The following KTI12 variants were observed in gnomAD, a reference collection of about 807,000 sequenced individuals.
KTI12 encodes KTI12 chromatin associated homolog.
KTI12 carries 8 observed loss-of-function variants against 8.8 expected under a neutral mutation model. That is an observed-to-expected ratio of 0.91 (90% CI 0.53 to 1.64). KTI12 has a LOEUF of 1.64. KTI12 is among the 40% of genes most tolerant of loss of function. The probability of loss-of-function intolerance (pLI) is 0.00; values close to 1 mark genes in which losing one functional copy is unlikely to be tolerated. For synonymous variants in KTI12, 216 were observed against 220.1 expected (o/e 0.98, Z 0.17); for missense variants, 490 against 492.1 (o/e 1.00, Z 0.04).
chr1:52,033,798 C>T lies in KTI12; in HGVS notation c.-37G>A, dbSNP rs1245666239. 1 of 1,529,662 alleles carries T rather than the reference C, an allele frequency of 6.5e-7. No individual in the cohort carries two copies. The highest frequency in any genetic ancestry group is 8.8e-7 in the Non-Finnish European group (1 of 1,136,926). The allele number at this position is 1,529,662 out of a possible 1,614,324, so 94.8% of individuals were successfully genotyped here. ...GCGACCATTGGCAACCGCGCTGCGC[C>T]AACTTCCGGGTTGTACGCGTCTCCG... On this transcript the variant is annotated 5_prime_UTR_variant, in exon 1 of 1. Coordinates refer to ENST00000371614, the MANE Select transcript of KTI12 (RefSeq NM_138417.3).
chr1:52,032,784 A>G lies in KTI12; in HGVS notation c.978T>C (p.Ile326=), dbSNP rs1366942007. The change falls in exon 1 of 1, where the codon ATT becomes ATC. Residue 326 remains isoleucine (I), a synonymous_variant. Transcript: ENST00000371614. ...TGTTGGGATGCATTTTAGTGTACGA[A>G]ATAAACTGGCGACGAAGGCGACTCA... is the stretch of plus-strand genomic sequence containing the variant. The part of the protein sequence containing the change: ...AELSRLRRQF[I]SYTKMHPNNE... The G allele has an allele frequency of 4.3e-6, 7 of 1,614,232 alleles. No individual in the cohort carries two copies. The East Asian group carries it at 1.6e-4, about 36-fold the overall frequency.
chr1:52,033,809 T>A lies in KTI12; in HGVS notation c.-48A>T. On this transcript the variant is annotated 5_prime_UTR_variant, in exon 1 of 1. Transcript: ENST00000371614. ...CAACCGCGCTGCGCCAACTTCCGGG[T>A]TGTACGCGTCTCCGACGTAAGCCGG... 1 of 1,507,186 alleles carries A rather than the reference T, an allele frequency of 6.6e-7. No homozygotes were observed. The highest frequency in any genetic ancestry group is 1.4e-5 in the African/African-American group (1 of 72,422). 93.4% of individuals were successfully genotyped at this position (1,507,186 alleles called of 1,614,324 possible). A position where few individuals can be genotyped will look rare whatever the true frequency, so the allele number is the denominator to read the frequency against.
At position 52,033,070 on chromosome 1, in the gene KTI12, G is replaced by A. The variant is rs1193342863; in HGVS notation, c.692C>T (p.Thr231Ile). 6.2e-7 allele frequency: 1 copy of A among 1,601,930 alleles called. No individual in the cohort carries two copies. The highest frequency in any genetic ancestry group is 1.1e-5 in the South Asian group (1 of 89,564). Residue 231 changes from threonine (T) to isoleucine (I), a missense_variant, in exon 1 of 1, where the codon ACT becomes ATT. Physicochemically the swap from Thr to Ile is moderately conservative, Grantham distance 89 (BLOSUM62 -1). Transcript: ENST00000371614. ...SRNRWDRPLF[T>I]LVGLEEPLPL... ...CAACGGCTCCTCTAGGCCCACCAAA[G>A]TGAATAAAGGCCGGTCCCAGCGATT...
In KTI12 at chr1:52,033,059, G is replaced by A; in HGVS notation, c.703C>T (p.Leu235=). Residue 235 remains leucine, a synonymous_variant, in exon 1 of 1, where the codon CTA becomes TTA. Transcript: ENST00000371614. The part of the protein sequence containing the change: ...WDRPLFTLVG[L]EEPLPLAGIR... ...CCCGCCAGGGGCAACGGCTCCTCTAGGCCCACCAAAGTGAATAAAGGCCGG... is the reference window on the plus strand; with the variant it reads ...CCCGCCAGGGGCAACGGCTCCTCTAAGCCCACCAAAGTGAATAAAGGCCGG... 2 of 1,596,418 alleles carry A rather than the reference G, an allele frequency of 1.3e-6. No homozygotes were observed. Among genetic ancestry groups the A allele is most frequent in the Non-Finnish European group, 1.7e-6 (2 of 1,173,062 alleles).
rs368861129 is a variant in KTI12, at chr1:52,033,137, G to C, written c.625C>G (p.Leu209Val). ...GSGAFYSPEL[L>V]EALTLRFEAP... Reference sequence around the variant, plus strand: ...TCAAAGCGCAGCGTTAGGGCCTCCAGGAGTTCGGGAGAGTAAAAGGCACCG... The same window carrying C: ...TCAAAGCGCAGCGTTAGGGCCTCCACGAGTTCGGGAGAGTAAAAGGCACCG... Residue 209 changes from leucine (L) to valine (V), a missense_variant, in exon 1 of 1, where the codon CTG becomes GTG. Coordinates refer to ENST00000371614, the MANE Select transcript of KTI12 (RefSeq NM_138417.3). 9.3e-6 allele frequency: 15 copies of C among 1,614,070 alleles called. No homozygotes were observed. In the African/African-American group the frequency reaches 1.9e-4, roughly 20 times the overall value.
Position 52,033,794 on chromosome 1 carries a change from G to A in KTI12, c.-33C>T, listed in dbSNP as rs1685830678. ...GGGAGCGACCATTGGCAACCGCGCTGCGCCAACTTCCGGGTTGTACGCGTC... is the reference window on the plus strand; with the variant it reads ...GGGAGCGACCATTGGCAACCGCGCTACGCCAACTTCCGGGTTGTACGCGTC... On this transcript the variant is annotated 5_prime_UTR_variant, in exon 1 of 1. Coordinates refer to ENST00000371614, the MANE Select transcript of KTI12 (RefSeq NM_138417.3). 8 of 1,534,984 alleles carry A rather than the reference G, an allele frequency of 5.2e-6. No homozygotes were observed. The highest frequency in any genetic ancestry group is 1.9e-4 in the Middle Eastern group (1 of 5,248).
chr1:52,033,179 A>T lies in KTI12; in HGVS notation c.583T>A (p.Ser195Thr). ...AAGGCACCGGACCCATGCTTTGCAG[A>T]TTTCTCTGAATCCGGAGTCACAAGA... ...PALVTPDSEK[S>T]AKHGSGAFYS... Residue 195 changes from serine to threonine, a missense_variant, in exon 1 of 1, where the codon TCT (serine) becomes ACT (threonine). By Grantham distance (58) the Ser-to-Thr change is moderately conservative (BLOSUM62 1). Coordinates refer to ENST00000371614, the MANE Select transcript of KTI12 (RefSeq NM_138417.3). 1.9e-6 allele frequency: 3 copies of T among 1,614,198 alleles called. No individual in the cohort carries two copies. Among genetic ancestry groups the T allele is most frequent in the Non-Finnish European group, 2.5e-6 (3 of 1,180,038 alleles).
Position 52,033,046 on chromosome 1 carries a change from A to C in KTI12, c.716T>G (p.Leu239Trp). ...GGCAGAGCGGATCCCCGCCAGGGGCAACGGCTCCTCTAGGCCCACCAAAGT... is the reference window on the plus strand; with the variant it reads ...GGCAGAGCGGATCCCCGCCAGGGGCCACGGCTCCTCTAGGCCCACCAAAGT... ...LFTLVGLEEP[L>W]PLAGIRSALF... Residue 239 changes from leucine to tryptophan, a missense_variant, in exon 1 of 1, where the codon TTG becomes TGG. Leu to Trp is a moderately conservative substitution (Grantham distance 61, BLOSUM62 -2). Coordinates refer to ENST00000371614, the MANE Select transcript of KTI12 (RefSeq NM_138417.3). 1.9e-6 allele frequency: 3 copies of C among 1,581,122 alleles called. No individual in the cohort carries two copies. Among genetic ancestry groups the C allele is most frequent in the Non-Finnish European group, 2.6e-6 (3 of 1,166,670 alleles).
chr1:52,033,753 G>A lies in KTI12; in HGVS notation c.9C>T (p.Leu3=). The A allele has an allele frequency of 6.3e-7, 1 of 1,598,008 alleles. No individual in the cohort carries two copies. Among genetic ancestry groups the A allele is most frequent in the Non-Finnish European group, 8.5e-7 (1 of 1,171,396 alleles). MP[L]VVFCGLPYSG... ...TGTACGGCAGCCCGCAAAACACCAC[G>A]AGCGGCATCCTCTCAGGGAGCGACC... is the stretch of plus-strand genomic sequence containing the variant. Residue 3 remains leucine, a synonymous_variant, in exon 1 of 1, where the codon CTC becomes CTT. Coordinates refer to ENST00000371614, the MANE Select transcript of KTI12 (RefSeq NM_138417.3).
chr1:52,033,171 C>T lies in KTI12; in HGVS notation c.591G>A (p.Lys197=), dbSNP rs151161277. 66 of 1,614,126 alleles carry T rather than the reference C, an allele frequency of 4.1e-5. No homozygotes were observed. The African/African-American group carries it at 7.1e-4, about 17-fold the overall frequency. Residue 197 remains lysine, a synonymous_variant, in exon 1 of 1, where the codon AAG becomes AAA. Coordinates refer to ENST00000371614, the MANE Select transcript of KTI12 (RefSeq NM_138417.3). Reference sequence around the variant, plus strand: ...GAGAGTAAAAGGCACCGGACCCATGCTTTGCAGATTTCTCTGAATCCGGAG... The same window carrying T: ...GAGAGTAAAAGGCACCGGACCCATGTTTTGCAGATTTCTCTGAATCCGGAG... The part of the protein sequence containing the change: ...LVTPDSEKSA[K]HGSGAFYSPE...
Position 52,032,686 on chromosome 1 carries a change from ACC to A in KTI12, c.*9_*10del. The A allele has an allele frequency of 7.0e-6, 11 of 1,573,590 alleles. No individual in the cohort carries two copies. Among genetic ancestry groups the A allele is most frequent in the Admixed American group, 5.7e-5 (3 of 52,934 alleles). On this transcript the variant is annotated 3_prime_UTR_variant, in exon 1 of 1. Coordinates refer to ENST00000371614, the MANE Select transcript of KTI12 (RefSeq NM_138417.3). ...GATCAGAAGCCATGGCTTCCCCCCTACCTCCTCTGGTCAGTGCAGGCTCTGGC... is the reference window on the plus strand; with the variant it reads ...GATCAGAAGCCATGGCTTCCCCCCTATCCTCTGGTCAGTGCAGGCTCTGGC...
In KTI12 at chr1:52,033,008, G is replaced by A. The variant is rs768731017; in HGVS notation, c.754C>T (p.Arg252Trp). The A allele has an allele frequency of 1.3e-6, 2 of 1,560,822 alleles. No individual in the cohort carries two copies. The highest frequency in any genetic ancestry group is 1.7e-6 in the Non-Finnish European group (2 of 1,156,640). ...AGIRSALFEN[R>W]APPPHQSTQS... Reference sequence around the variant, plus strand: ...GTAGACTGATGGGGTGGTGGGGCCCGGTTCTCAAACAGGGCAGAGCGGATC... The same window carrying A: ...GTAGACTGATGGGGTGGTGGGGCCCAGTTCTCAAACAGGGCAGAGCGGATC... The change falls in exon 1 of 1, where the codon CGG becomes TGG. Residue 252 changes from arginine to tryptophan, a missense_variant. Physicochemically the swap from Arg to Trp is moderately radical, Grantham distance 101 (BLOSUM62 -3). Coordinates refer to ENST00000371614, the MANE Select transcript of KTI12 (RefSeq NM_138417.3).
rs1051611415 is a variant in KTI12, at chr1:52,033,273, A to C, written c.489T>G (p.Asn163Lys). The change falls in exon 1 of 1, where the codon AAT becomes AAG. Residue 163 changes from asparagine to lysine, a missense_variant. Transcript: ENST00000371614. ...RELHTADSVV[N>K]GSAQADVPKE... is the part of the protein sequence containing the mutation. ...TGGGTACGTCGGCCTGGGCACTTCC[A>C]TTTACTACAGAGTCCGCAGTATGCA... is the stretch of plus-strand genomic sequence containing the variant. 19 of 1,613,862 alleles carry C rather than the reference A, an allele frequency of 1.2e-5. No homozygotes were observed. Among genetic ancestry groups the C allele is most frequent in the Non-Finnish European group, 1.6e-5 (19 of 1,179,930 alleles).
At position 52,033,340 on chromosome 1, in the gene KTI12, T is replaced by G. The variant is rs1557993300; in HGVS notation, c.422A>C (p.Asp141Ala). Residue 141 changes from aspartate (D) to alanine (A), a missense_variant, in exon 1 of 1, where the codon GAC (aspartate) becomes GCC (alanine). Transcript: ENST00000371614. ...SVSWRPRAEEDGRAQAAGSSV... is the reference protein window; with the variant it reads ...SVSWRPRAEEAGRAQAAGSSV... ...GCTGCCCGCCGCCTGGGCTCTCCCG[T>G]CCTCCTCAGCGCGTGGCCGCCAACT... The G allele has an allele frequency of 1.2e-6, 2 of 1,613,766 alleles. No homozygotes were observed. The highest frequency in any genetic ancestry group is 1.7e-6 in the Non-Finnish European group (2 of 1,179,988).
Position 52,033,675 on chromosome 1 carries a change from G to A in KTI12, c.87C>T (p.Gly29=), listed in dbSNP as rs372731742. 6.9e-5 allele frequency: 111 copies of A among 1,610,706 alleles called. 1 individual carries two copies. In the Admixed American group the frequency reaches 1.1e-3, roughly 16 times the overall value. ...CGTCGTCCACCACGTACACCGCGCG[G>A]CCCTCGGCAGCCAGCGCCACGCGCA... ...EELRVALAAE[G]RAVYVVDDAA... is the part of the protein sequence containing the mutation. The change falls in exon 1 of 1, where the codon GGC becomes GGT. Residue 29 remains glycine (G), a synonymous_variant. Transcript: ENST00000371614.
chr1:52,033,490 A>T lies in KTI12; in HGVS notation c.272T>A (p.Leu91His). The stretch of plus-strand genomic sequence containing the variant: ...GCGCGCCGCCCGTGCCAGGCAGTAG[A>T]GCTCGTAACGGAAACCTTTGATGTA... ...LNYIKGFRYELYCLARAARTP... is the reference protein window; with the variant it reads ...LNYIKGFRYEHYCLARAARTP... Residue 91 changes from leucine to histidine, a missense_variant, in exon 1 of 1, where the codon CTC (leucine) becomes CAC (histidine). Physicochemically the swap from Leu to His is moderately conservative, Grantham distance 99 (BLOSUM62 -3). Coordinates refer to ENST00000371614, the MANE Select transcript of KTI12 (RefSeq NM_138417.3). The T allele has an allele frequency of 6.2e-7, 1 of 1,613,850 alleles. No homozygotes were observed. The highest frequency in any genetic ancestry group is 8.5e-7 in the Non-Finnish European group (1 of 1,179,890).
In KTI12 at chr1:52,032,930, T is replaced by C; in HGVS notation, c.832A>G (p.Thr278Ala). The change falls in exon 1 of 1, where the codon ACG becomes GCG. Residue 278 changes from threonine to alanine, a missense_variant. Coordinates refer to ENST00000371614, the MANE Select transcript of KTI12 (RefSeq NM_138417.3). Reference protein sequence around the residue: ...GSFLHQLDQVTSQVLAGLMEA... With the variant: ...GSFLHQLDQVASQVLAGLMEA... ...ATCAATCCGGCCAGTACTTGACTCG[T>C]GACCTGGTCCAACTGGTGCAGAAAG... The C allele has an allele frequency of 6.2e-7, 1 of 1,606,744 alleles. No individual in the cohort carries two copies. The highest frequency in any genetic ancestry group is 1.7e-5 in the Admixed American group (1 of 58,894).
chr1:52,032,272 G>A lies in KTI12; in HGVS notation c.*425C>T, dbSNP rs904981984. 5.0e-6 allele frequency: 5 copies of A among 991,790 alleles called. No homozygotes were observed. The African/African-American group carries it at 7.0e-5, about 14-fold the overall frequency. The allele number at this position is 991,790 out of a possible 1,614,324, so 61.4% of individuals were successfully genotyped here. On this transcript the variant is annotated 3_prime_UTR_variant, in exon 1 of 1. Coordinates refer to ENST00000371614, the MANE Select transcript of KTI12 (RefSeq NM_138417.3). ...ACAGTACTCAAAAAATACTTTTGTG[G>A]TATGAAAAAAGGGCAGGTGCAGATG... is the stretch of plus-strand genomic sequence containing the variant.
chr1:52,032,666 GAAGCCA>G lies in KTI12; in HGVS notation c.*25_*30del. On this transcript the variant is annotated 3_prime_UTR_variant, in exon 1 of 1. Transcript: ENST00000371614. The stretch of plus-strand genomic sequence containing the variant: ...GAGAAATAAAGTGGAGTGGAGATCA[GAAGCCA>G]TGGCTTCCCCCCTACCTCCTCTGGT... The G allele has an allele frequency of 9.0e-6, 14 of 1,554,996 alleles. No homozygotes were observed. Among genetic ancestry groups the G allele is most frequent in the South Asian group, 6.2e-5 (5 of 80,618 alleles).
Sources: allele counts gnomAD v4.1 joint callset, GRCh38; gene constraint gnomAD v4.1.1; transcripts MANE v1.5; gene names NCBI Gene and HGNC (gene_info 2026-07-23, HGNC 2026-07-21).